Variants in RIMS1 observed in about 807,000 individuals in gnomAD.
RIMS1 encodes regulating synaptic membrane exocytosis protein 1.
In RIMS1, 83 loss-of-function variants were observed where a neutral mutation model predicts 214.1. That is an observed-to-expected ratio of 0.39 (90% CI 0.32 to 0.47). RIMS1 has a LOEUF of 0.47. Ranked by LOEUF, RIMS1 falls within the 20% of genes least tolerant of loss-of-function variation. The probability of loss-of-function intolerance (pLI) is 0.99; values close to 1 mark genes in which losing one functional copy is unlikely to be tolerated. For missense variants in RIMS1, 2,050 were observed against 2,161.8 expected (o/e 0.95, Z 1.03); for synonymous variants, 793 against 786.8 (o/e 1.01, Z -0.13).
intron 6 of RIMS1, among the ~76,000 whole-genome samples, chr6:72,187,086 A>G (rs9342934): frequency 0.02 from 3,060 of 152,192 alleles, 173 homozygotes; most frequent in East Asian, 0.17. Context: ...AGATTGTGCC[A>G]CTGCACTCCA....
At chr6:71,959,919 C>T (rs1177184837) in intron 1 of RIMS1, among the ~76,000 whole-genome samples, 1 of 152,028 alleles carries the variant, frequency 6.6e-6, no homozygotes, top group Admixed American at 6.6e-5. Flanking sequence ...AAGCACCAGT[C>T]ATAATATATG....
chr6:72,052,388 T>A (rs2152152082), intron 2 of RIMS1, among the ~76,000 whole-genome samples: 1 of 152,312 alleles, frequency 6.6e-6, no homozygotes, highest in South Asian at 2.1e-4. Context: ...AGAGTAATAG[T>A]GAGAAATAGG....
chr6:72,391,907 T>C (rs2098709115), intron 30 of RIMS1, among the ~76,000 whole-genome samples: 1 of 152,194 alleles, frequency 6.6e-6, no homozygotes, highest in East Asian at 1.9e-4. Context: ...CCATTTAATC[T>C]CTTGGATTTA....
chr6:72,358,171 A>AG (rs1378971342), intron 29 of RIMS1, among the ~76,000 whole-genome samples: 2 of 152,176 alleles, frequency 1.3e-5, no homozygotes, highest in Non-Finnish European at 1.5e-5. Context: ...ACAGAAAGAA[A>AG]AAAAAAAGGT....
rs143086990 is a variant in RIMS1 at position 72,309,273 on chromosome 6, A to G, written c.3963+1903A>G. Among the ~76,000 whole-genome samples the G allele has an allele frequency of 7.4e-3, 1,126 of 152,286 alleles. 4 individuals carry two copies. The highest frequency in any genetic ancestry group is 0.012 in the Non-Finnish European group (822 of 67,994). On this transcript the variant is annotated intron_variant, in intron 27 of 33. Transcript: ENST00000521978. ...CTAGTAGTCATAGTAAACCAAAGGTAGGTGTGCAGACTCCAAATTCTCTGA... is the reference window on the plus strand; with the variant it reads ...CTAGTAGTCATAGTAAACCAAAGGTGGGTGTGCAGACTCCAAATTCTCTGA...
At chr6:72,123,665 G>A (rs922079705) in intron 4 of RIMS1, among the ~76,000 whole-genome samples, 1 of 151,798 alleles carries the variant, frequency 6.6e-6, no homozygotes, top group Non-Finnish European at 1.5e-5. Flanking sequence ...CCTGTATTGG[G>A]TGCATATATA....
chr6:72,216,813 A>T (rs2056277198), intron 6 of RIMS1: 2 of 993,774 alleles, frequency 2.0e-6, no homozygotes, highest in South Asian at 9.3e-5. Context: ...GGAAGGTAGC[A>T]GCTTCTGTGC....
At chr6:72,126,829 G>A in intron 4 of RIMS1, 1 of 167,654 alleles carries the variant, frequency 6.0e-6, no homozygotes, top group South Asian at 1.5e-4. Context: ...CTACACTGCT[G>A]GTAGGAAGGT....
At chr6:71,928,500 A>G (rs935449076) in intron 1 of RIMS1, among the ~76,000 whole-genome samples, 1 of 152,110 alleles carries the variant, frequency 6.6e-6, no homozygotes, top group African/African-American at 2.4e-5. Context: ...TGGAGGGTAT[A>G]TTAAAATCAG....
At chr6:72,339,492 T>C (rs2096968790) in intron 29 of RIMS1, among the ~76,000 whole-genome samples, 1 of 151,886 alleles carries the variant, frequency 6.6e-6, no homozygotes, top group Non-Finnish European at 1.5e-5. Context: ...GTCCATGTGT[T>C]CTCATTGTTC....
intron 2 of RIMS1, among the ~76,000 whole-genome samples, chr6:72,000,751 C>A (rs1804922514): frequency 6.6e-6 from 1 of 152,120 alleles, no homozygotes; most frequent in Non-Finnish European, 1.5e-5. Flanking sequence ...TGTCATCAGA[C>A]TTCCTCAGCT....
At chr6:72,050,213 T>C (rs1163354750) in intron 2 of RIMS1, among the ~76,000 whole-genome samples, 3 of 152,134 alleles carry the variant, frequency 2.0e-5, no homozygotes, top group Non-Finnish European at 4.4e-5. Flanking sequence ...GATTGTAATA[T>C]CTATTTTTTT....
intron 26 of RIMS1, among the ~76,000 whole-genome samples, chr6:72,305,035 G>A (rs2095022020): frequency 6.6e-6 from 1 of 151,816 alleles, no homozygotes; most frequent in Non-Finnish European, 1.5e-5. Flanking sequence ...TGATTTGAGG[G>A]AGGTAAAATG....
intron 2 of RIMS1, among the ~76,000 whole-genome samples, chr6:72,053,071 C>A (rs2152164758): frequency 6.6e-6 from 1 of 152,256 alleles, no homozygotes; most frequent in Non-Finnish European, 1.5e-5. Context: ...AATTACGTCC[C>A]AGAACCCAGG....
chr6:71,938,393 G>A (rs555379523), intron 1 of RIMS1, among the ~76,000 whole-genome samples: 1 of 152,288 alleles, frequency 6.6e-6, no homozygotes, highest in Non-Finnish European at 1.5e-5. Flanking sequence ...CCCTAGTAGG[G>A]GCTCTCTGTC....
chr6:72,173,662 C>G (rs2047332906), intron 4 of RIMS1, among the ~76,000 whole-genome samples: 1 of 152,018 alleles, frequency 6.6e-6, no homozygotes, highest in South Asian at 2.1e-4. Flanking sequence ...CTGGAATTAT[C>G]TTTTACTCTT....
In RIMS1 at chr6:71,901,364, C is replaced by T. The variant is rs117705599; in HGVS notation, c.164+14177C>T. 2.1e-3 allele frequency among the ~76,000 whole-genome samples: 327 copies of T among 152,148 alleles called. 5 individuals are homozygous for T. The highest frequency in any genetic ancestry group is 0.016 in the Admixed American group (245 of 15,258). On this transcript the variant is annotated intron_variant, in intron 1 of 33. Transcript: ENST00000521978. ...GACCCTAAAATTGAAATAGCTCAGACGTCCATCAGTAGAATGAATTTAAAA... is the reference window on the plus strand; with the variant it reads ...GACCCTAAAATTGAAATAGCTCAGATGTCCATCAGTAGAATGAATTTAAAA...
At position 72,010,426 on chromosome 6, in the gene RIMS1, G is replaced by A. The variant is rs550366991; in HGVS notation, c.245+41363G>A. 3.0e-3 allele frequency among the ~76,000 whole-genome samples: 461 copies of A among 152,266 alleles called. 2 individuals are homozygous for A. Among genetic ancestry groups the A allele is most frequent in the African/African-American group, 0.011 (451 of 41,540 alleles). ...TCCCTTTGAAAACTGGCACAAGACA[G>A]GGATGCCCTCTCTCACAGCTCCTAT... On this transcript the variant is annotated intron_variant, in intron 2 of 33. Transcript: ENST00000521978.
chr6:71,986,856 TA>T (rs1193040434), intron 2 of RIMS1, among the ~76,000 whole-genome samples: 1 of 152,234 alleles, frequency 6.6e-6, no homozygotes, highest in Non-Finnish European at 1.5e-5. Flanking sequence ...TTTGACTCAG[TA>T]AAAATGTCCA....
Sources: gnomAD v4.1 joint callset for allele counts (sites outside exome capture counted in the v4.1 genomes callset) on GRCh38, gnomAD v4.1.1 for gene constraint, MANE v1.5 for transcripts, NCBI Gene and HGNC (gene_info 2026-07-23, HGNC 2026-07-21) for gene names.